Variants in EQTN observed in about 807,000 individuals in gnomAD.
EQTN encodes Acrosome formation associated factor.
EQTN carries 29 observed loss-of-function variants against 26.9 expected under a neutral mutation model. That is an observed-to-expected ratio of 1.08 (90% CI 0.80 to 1.47). The LOEUF (loss-of-function observed/expected upper bound fraction) is 1.47. Among genes scored for constraint, EQTN ranks in the 40% most tolerant of loss-of-function variants. The pLI, the probability that EQTN is intolerant of heterozygous loss-of-function variation, is 0.00. For synonymous variants in EQTN, 129 were observed against 120.0 expected (o/e 1.07, Z -0.49); for missense variants, 391 against 346.1 (o/e 1.13, Z -1.03).
rs955183084 is a variant in EQTN at position 27,289,744 on chromosome 9, A to G, written c.422-13T>C. On this transcript the variant is annotated splice_polypyrimidine_tract_variant and intron_variant, in intron 5 of 7. Coordinates refer to ENST00000380032, the MANE Select transcript of EQTN (RefSeq NM_020641.3). ...GTTCCATTTATAGCTGTTAAAACAA[A>G]TTGGGGTTATGGTAAACAACGTTCA... The G allele has an allele frequency of 2.5e-6, 4 of 1,598,616 alleles. No homozygotes were observed. The Admixed American group carries it at 6.8e-5, about 27-fold the overall frequency.
At position 27,284,956 on chromosome 9, in the gene EQTN, T is replaced by C. The variant is rs764113881; in HGVS notation, c.652A>G (p.Ser218Gly). The part of the protein sequence containing the change: ...LRHLSYKSCE[S>G]QYSVNPELAT... The stretch of plus-strand genomic sequence containing the variant: ...AGCTCTGGGTTGACAGAGTACTGAC[T>C]CTCACAACTTTTATAACTGAAGAAG... Residue 218 changes from serine to glycine, a missense_variant, in exon 8 of 8, where the codon AGT (serine) becomes GGT (glycine). Ser to Gly is a moderately conservative substitution (Grantham distance 56, BLOSUM62 0). Coordinates refer to ENST00000380032, the MANE Select transcript of EQTN (RefSeq NM_020641.3). 6.2e-7 allele frequency: 1 copy of C among 1,612,380 alleles called. No individual in the cohort carries two copies. Among genetic ancestry groups the C allele is most frequent in the Non-Finnish European group, 8.5e-7 (1 of 1,179,434 alleles).
At chr9:27,291,123 AT>A (rs1397475361) in intron 4 of EQTN, 60 bp from the exon 5 acceptor site, 16 of 1,464,208 alleles carry the variant, frequency 1.1e-5, no homozygotes, top group Non-Finnish European at 1.5e-5. Context: ...TAACAAAATA[AT>A]TTAGTTTGAG....
chr9:27,286,749 G>T (rs77108677), intron 6 of EQTN, among the ~76,000 whole-genome samples: 1 of 152,116 alleles, frequency 6.6e-6, no homozygotes, highest in African/African-American at 2.4e-5. Flanking sequence ...TATTCAAAAC[G>T]ATTGACTTAC....
At chr9:27,296,761 A>ATGG in intron 1 of EQTN, 23 bp from the exon 2 acceptor site, 1 of 1,595,424 alleles carries the variant, frequency 6.3e-7, no homozygotes, top group South Asian at 1.2e-5. Flanking sequence ...ATCACACACC[A>ATGG]TAGATCAGAA....
At chr9:27,295,860 A>ACAG (rs1820331955) in intron 2 of EQTN, among the ~76,000 whole-genome samples, 1 of 131,700 alleles carries the variant, frequency 7.6e-6, no homozygotes, top group African/African-American at 3.8e-5. Flanking sequence ...AAAAACAACG[A>ACAG]TAAAATTACT....
At chr9:27,291,204 C>A in intron 4 of EQTN, 141 bp from the exon 5 acceptor site, 1 of 657,488 alleles carries the variant, frequency 1.5e-6, no homozygotes, top group Non-Finnish European at 2.5e-6. Flanking sequence ...CTGTGGTTGG[C>A]ACTAACTTAT....
At chr9:27,295,273 TAAAAC>T (rs1316477638) in intron 2 of EQTN, among the ~76,000 whole-genome samples, 7 of 151,984 alleles carry the variant, frequency 4.6e-5, no homozygotes, top group Non-Finnish European at 5.9e-5. Flanking sequence ...TATGGAAAAA[TAAAAC>T]AAAGTCACAA....
chr9:27,286,056 C>A (rs940788000), intron 7 of EQTN, among the ~76,000 whole-genome samples, 153 bp downstream of exon 7: 15 of 152,186 alleles, frequency 9.9e-5, no homozygotes, highest in African/African-American at 3.4e-4. Context: ...AAGACAGTCC[C>A]GTGCTCCATC....
chr9:27,285,831 G>A (rs989209995), intron 7 of EQTN, among the ~76,000 whole-genome samples: 6 of 152,168 alleles, frequency 3.9e-5, no homozygotes, highest in South Asian at 2.1e-4. Flanking sequence ...CAATGTAAAG[G>A]TGATAGAGAT....
At position 27,284,728 on chromosome 9, in the gene EQTN, G is replaced by T. The variant is rs1451407053; in HGVS notation, c.880C>A (p.Arg294=). ...EMHENDESVT[R] ...CACCGGGTTCCTTGATTTCTTCACC[G>T]GGTAACCGACTCATCGTTTTCATGC... The change falls in exon 8 of 8, where the codon CGG becomes AGG. Residue 294 remains arginine, a synonymous_variant. Transcript: ENST00000380032. 2.5e-6 allele frequency: 4 copies of T among 1,610,658 alleles called. No individual in the cohort carries two copies. Among genetic ancestry groups the T allele is most frequent in the Non-Finnish European group, 2.5e-6 (3 of 1,178,180 alleles).
chr9:27,285,037 G>T, intron 7 of EQTN, 65 bp from the exon 8 acceptor site: 1 of 1,399,236 alleles, frequency 7.1e-7, no homozygotes, highest in Non-Finnish European at 9.6e-7. Context: ...ACTCAGCTTA[G>T]AAAAGCATTC....
rs951039816 is a variant in EQTN, at chr9:27,294,393, G to T, written c.212C>A (p.Thr71Lys). The T allele has an allele frequency of 6.3e-7, 1 of 1,594,884 alleles. No homozygotes were observed. Among genetic ancestry groups the T allele is most frequent in the Admixed American group, 1.7e-5 (1 of 59,516 alleles). The change falls in exon 3 of 8, where the codon ACA becomes AAA. Residue 71 changes from threonine (T) to lysine (K), a missense_variant. Coordinates refer to ENST00000380032, the MANE Select transcript of EQTN (RefSeq NM_020641.3). ...CTCAGTGCCATTTGGATTTTGTGTT[G>T]TGAACACATCTAAAAACAAAAGCGA... ...YYKDIKQYVF[T>K]TQNPNGTESE...
intron 5 of EQTN, 34 bp from the exon 6 acceptor site, chr9:27,289,765 G>C (rs544842895): frequency 6.4e-7 from 1 of 1,552,588 alleles, no homozygotes. Flanking sequence ...GGTAAACAAC[G>C]TTCACTTACT....
chr9:27,284,694 A>G lies in EQTN; in HGVS notation c.*29T>C. On this transcript the variant is annotated 3_prime_UTR_variant, in exon 8 of 8. Coordinates refer to ENST00000380032, the MANE Select transcript of EQTN (RefSeq NM_020641.3). ...AATTAAAGTTATTTATTCATCAATA[A>G]GATTTCTTCACCGGGTTCCTTGATT... The G allele has an allele frequency of 6.3e-7, 1 of 1,593,368 alleles. No homozygotes were observed. The highest frequency in any genetic ancestry group is 8.5e-7 in the Non-Finnish European group (1 of 1,171,128).
chr9:27,284,925 G>A lies in EQTN; in HGVS notation c.683C>T (p.Thr228Met), dbSNP rs748534572. Residue 228 changes from threonine to methionine, a missense_variant, in exon 8 of 8, where the codon ACG becomes ATG. Transcript: ENST00000380032. ...TTCTGATGGATGAAAGTAAGACATCGTGGCCAGCTCTGGGTTGACAGAGTA... is the reference window on the plus strand; with the variant it reads ...TTCTGATGGATGAAAGTAAGACATCATGGCCAGCTCTGGGTTGACAGAGTA... ...SQYSVNPELA[T>M]MSYFHPSEGV... 78 of 1,613,916 alleles carry A rather than the reference G, an allele frequency of 4.8e-5. No homozygotes were observed. Among genetic ancestry groups the A allele is most frequent in the Middle Eastern group, 3.3e-4 (2 of 6,084 alleles).
Position 27,289,678 on chromosome 9 carries a change from T to G in EQTN, c.475A>C (p.Ile159Leu). Residue 159 changes from isoleucine (I) to leucine (L), a missense_variant, in exon 6 of 8, where the codon ATT becomes CTT. Coordinates refer to ENST00000380032, the MANE Select transcript of EQTN (RefSeq NM_020641.3). The stretch of plus-strand genomic sequence containing the variant: ...TGAAATATTTTGTTCTTACCTGGAA[T>G]TGGGTGAAATAATTGATCTTTATCA... ...MDDKDQLFHP[I>L]PESDVNATQG... 6.2e-7 allele frequency: 1 copy of G among 1,605,790 alleles called. No homozygotes were observed. Among genetic ancestry groups the G allele is most frequent in the East Asian group, 2.2e-5 (1 of 44,688 alleles).
rs1820351350 is a variant in EQTN at position 27,296,677 on chromosome 9, A to T, written c.138T>A (p.Asp46Glu). 6.2e-7 allele frequency: 1 copy of T among 1,604,324 alleles called. No homozygotes were observed. The highest frequency in any genetic ancestry group is 1.3e-5 in the African/African-American group (1 of 74,660). Residue 46 changes from aspartate to glutamate, a missense_variant, in exon 2 of 8, where the codon GAT becomes GAA. Asp to Glu is a conservative substitution (Grantham distance 45, BLOSUM62 2). Transcript: ENST00000380032. Reference sequence around the variant, plus strand: ...TAGCAGGAGCATAATTGGGAGTATGATCTTCATTCTTTTCTTCCTGCTTAT... The same window carrying T: ...TAGCAGGAGCATAATTGGGAGTATGTTCTTCATTCTTTTCTTCCTGCTTAT... ...DVNKQEEKNE[D>E]HTPNYAPANE...
chr9:27,289,008 A>G (rs998016151), intron 6 of EQTN, among the ~76,000 whole-genome samples: 1 of 152,174 alleles, frequency 6.6e-6, no homozygotes, highest in East Asian at 1.9e-4. Context: ...TAAATTATGG[A>G]CTTCAATTAA....
At chr9:27,290,960 C>T (rs563590527) in intron 5 of EQTN, 59 bp downstream of exon 5, 5 of 1,489,352 alleles carry the variant, frequency 3.4e-6, no homozygotes, top group East Asian at 2.3e-5. Context: ...GATCTTAGCT[C>T]TAAGTAAGAT....
Sources: gnomAD v4.1 joint callset for allele counts (sites outside exome capture counted in the v4.1 genomes callset) on GRCh38, gnomAD v4.1.1 for gene constraint, MANE v1.5 for transcripts, NCBI Gene and HGNC (gene_info 2026-07-23, HGNC 2026-07-21) for gene names.